SIPA1L1: variants seen among roughly 807,000 people sequenced by gnomAD.
SIPA1L1 encodes the protein signal-induced proliferation-associated 1-like protein 1.
In SIPA1L1, 26 loss-of-function variants were observed where a neutral mutation model predicts 162.7. The observed-to-expected ratio is 0.16, with a 90% CI of 0.12 to 0.22. The LOEUF is 0.22. Ranked by LOEUF, SIPA1L1 falls within the 10% of genes least tolerant of loss-of-function variation. The pLI is 1.00. For missense variants in SIPA1L1, 1,874 were observed against 2,241.0 expected (o/e 0.84, Z 3.31); for synonymous variants, 829 against 837.4 (o/e 0.99, Z 0.17).
chr14:71,700,633 A>G (rs997785619), intron 14 of SIPA1L1, among the ~76,000 whole-genome samples: 15 of 152,180 alleles, frequency 9.9e-5, no homozygotes, highest in Non-Finnish European at 2.2e-4. Context: ...AGCTTTGCTT[A>G]GTGAGCCTTG....
chr14:71,438,352 G>A (rs1448091040), intron 2 of SIPA1L1, among the ~76,000 whole-genome samples: 1 of 152,242 alleles, frequency 6.6e-6, no homozygotes, highest in East Asian at 1.9e-4. Flanking sequence ...GTTGGGGACA[G>A]AAGTACTCTC....
chr14:71,728,221 G>A (rs1394057128), intron 19 of SIPA1L1, among the ~76,000 whole-genome samples: 1 of 152,174 alleles, frequency 6.6e-6, no homozygotes, highest in Non-Finnish European at 1.5e-5. Flanking sequence ...TGCAGGTGGA[G>A]ATGTTTTATT....
At chr14:71,444,260 T>C (rs952726131) in intron 2 of SIPA1L1, among the ~76,000 whole-genome samples, 3 of 152,156 alleles carry the variant, frequency 2.0e-5, no homozygotes, top group African/African-American at 7.2e-5. Context: ...CGTTTACAAA[T>C]AGCACGGAGC....
intron 2 of SIPA1L1, among the ~76,000 whole-genome samples, chr14:71,416,732 C>CACAG (rs898528636): frequency 6.6e-6 from 1 of 151,430 alleles, no homozygotes; most frequent in South Asian, 2.1e-4. Context: ...CACACACACA[C>CACAG]ACACACACAC....
At chr14:71,355,401 A>T (rs899631832) in intron 2 of SIPA1L1, among the ~76,000 whole-genome samples, 4 of 152,206 alleles carry the variant, frequency 2.6e-5, no homozygotes, top group South Asian at 4.1e-4. Context: ...ACCCTGAGGG[A>T]TGGAGGAAAT....
chr14:71,553,611 C>T (rs995647411), intron 4 of SIPA1L1, among the ~76,000 whole-genome samples: 3 of 152,116 alleles, frequency 2.0e-5, no homozygotes, highest in African/African-American at 7.2e-5. Flanking sequence ...TTGAACAGAC[C>T]TGTGAATTGA....
chr14:71,596,753 C>T (rs1215171223), intron 5 of SIPA1L1, among the ~76,000 whole-genome samples: 1 of 152,144 alleles, frequency 6.6e-6, no homozygotes, highest in African/African-American at 2.4e-5. Flanking sequence ...CTTCTACAAT[C>T]TCTTTGCTTC....
intron 2 of SIPA1L1, among the ~76,000 whole-genome samples, chr14:71,441,179 A>G (rs1201904195): frequency 5.3e-5 from 8 of 152,224 alleles, no homozygotes; most frequent in Non-Finnish European, 1.2e-4. Flanking sequence ...GTCTGTTTGA[A>G]TAATGGAATT....
intron 2 of SIPA1L1, among the ~76,000 whole-genome samples, chr14:71,428,513 T>C (rs2043750284): frequency 6.6e-6 from 1 of 152,114 alleles, no homozygotes; most frequent in Non-Finnish European, 1.5e-5. Flanking sequence ...CCATGCATGG[T>C]CACGTTCTAA....
At chr14:71,453,820 CCTATCTCTACTAAAAATA>C (rs2141628241) in intron 2 of SIPA1L1, among the ~76,000 whole-genome samples, 1 of 151,838 alleles carries the variant, frequency 6.6e-6, no homozygotes, top group East Asian at 1.9e-4. Context: ...ATGGTGCAAC[CCTATCTCTACTAAAAATA>C]CTAAAATTAG....
At chr14:71,452,656 G>C (rs1287013113) in intron 2 of SIPA1L1, among the ~76,000 whole-genome samples, 1 of 152,146 alleles carries the variant, frequency 6.6e-6, no homozygotes, top group Non-Finnish European at 1.5e-5. Context: ...CTCACACACA[G>C]TGTGTGAGAG....
chr14:71,707,135 G>A (rs1403798955), intron 16 of SIPA1L1, among the ~76,000 whole-genome samples: 3 of 149,110 alleles, frequency 2.0e-5, no homozygotes, highest in Non-Finnish European at 3.0e-5. Flanking sequence ...ACACACGCAC[G>A]CACACACACA....
chr14:71,355,913 C>A (rs542285776), intron 2 of SIPA1L1, among the ~76,000 whole-genome samples: 19 of 151,954 alleles, frequency 1.3e-4, no homozygotes, highest in Non-Finnish European at 2.5e-4. Flanking sequence ...AAGAGTTATT[C>A]TAGTAGTGTA....
chr14:71,564,520 C>T (rs559874011), intron 4 of SIPA1L1, among the ~76,000 whole-genome samples: 4 of 103,204 alleles, frequency 3.9e-5, no homozygotes, highest in African/African-American at 1.6e-4. Flanking sequence ...GAGTCTCACT[C>T]TGTCGCCCAG....
chr14:71,547,232 T>C (rs2055307104), intron 4 of SIPA1L1, among the ~76,000 whole-genome samples: 1 of 152,086 alleles, frequency 6.6e-6, no homozygotes, highest in Non-Finnish European at 1.5e-5. Flanking sequence ...TTTGTTCATA[T>C]GTGTCTTATA....
intron 2 of SIPA1L1, among the ~76,000 whole-genome samples, chr14:71,476,588 AT>A (rs2047870229): frequency 6.6e-6 from 1 of 152,048 alleles, no homozygotes; most frequent in South Asian, 2.1e-4. Context: ...AATTTGAGGT[AT>A]TTTTATGTTT....
intron 2 of SIPA1L1, among the ~76,000 whole-genome samples, chr14:71,331,326 G>A (rs2034516453): frequency 6.6e-6 from 1 of 152,128 alleles, no homozygotes; most frequent in South Asian, 2.1e-4. Context: ...AAGTATAAAT[G>A]GCACTTTTAA....
chr14:71,418,861 T>C (rs1247915812), intron 2 of SIPA1L1, among the ~76,000 whole-genome samples: 1 of 152,202 alleles, frequency 6.6e-6, no homozygotes. Context: ...TCTGGAGCTT[T>C]TGGTGCTCCT....
intron 6 of SIPA1L1, among the ~76,000 whole-genome samples, chr14:71,622,992 C>G (rs2039605797): frequency 1.3e-5 from 2 of 152,312 alleles, no homozygotes; most frequent in South Asian, 4.1e-4. Flanking sequence ...CTCATGTTGT[C>G]TCTTGACATT....
Sources: gnomAD v4.1 joint callset for allele counts (sites outside exome capture counted in the v4.1 genomes callset) on GRCh38, gnomAD v4.1.1 for gene constraint, MANE v1.5 for transcripts, NCBI Gene and HGNC (gene_info 2026-07-23, HGNC 2026-07-21) for gene names.